The following RELN variants were observed in gnomAD, a reference collection of about 807,000 sequenced individuals.
The protein encoded by RELN is reelin.
Under a neutral mutation model 427.6 loss-of-function variants are expected in RELN, and 108 were observed. The observed-to-expected ratio is 0.25, with a 90% CI of 0.22 to 0.30. RELN has a LOEUF of 0.30. Ranked by LOEUF, RELN falls within the 10% of genes least tolerant of loss-of-function variation. The pLI is 1.00. For synonymous variants in RELN, 1,524 were observed against 1,513.4 expected, an observed-to-expected ratio of 1.01 and a Z score of -0.16; for missense variants, 3,715 against 4,302.8, an observed-to-expected ratio of 0.86 and a Z score of 3.82.
rs191205154 is a variant in RELN at position 103,779,984 on chromosome 7, C to A, written c.474-3357G>T. Among the ~76,000 whole-genome samples, 790 of 152,288 alleles carry A rather than the reference C, an allele frequency of 5.2e-3. 3 individuals are homozygous for A. The highest frequency in any genetic ancestry group is 0.018 in the African/African-American group (733 of 41,566). On this transcript the variant is annotated intron_variant, in intron 3 of 64. Coordinates refer to ENST00000428762, the MANE Select transcript of RELN (RefSeq NM_005045.4). ...CTCGTGATCTGCCTGCCTCAGCCTC[C>A]CAAAGTGCTGGGATTACAGGTGTGA...
rs10215861 is a variant in RELN at position 103,839,228 on chromosome 7, T to A, written c.338-5556A>T. 7.1e-3 allele frequency among the ~76,000 whole-genome samples: 1,078 copies of A among 151,066 alleles called. 18 individuals carry two copies. The highest frequency in any genetic ancestry group is 0.025 in the African/African-American group (1,034 of 41,192). On this transcript the variant is annotated intron_variant, in intron 2 of 64. Transcript: ENST00000428762. ...AACCTATCCTCTCACTCACTAATCC[T>A]AAAACCATCCCAAACATGTATTCTC...
At chr7:103,849,338 G>A (rs1219822531) in intron 2 of RELN, among the ~76,000 whole-genome samples, 1 of 151,908 alleles carries the variant, frequency 6.6e-6, no homozygotes, top group African/African-American at 2.4e-5. Context: ...GTCTTCTCTT[G>A]CCTATCCTTC....
At chr7:103,669,031 T>C (rs554141869) in intron 11 of RELN, among the ~76,000 whole-genome samples, 1 of 152,322 alleles carries the variant, frequency 6.6e-6, no homozygotes, top group African/African-American at 2.4e-5. Context: ...TCTAGATTAA[T>C]TTAAATGAGT....
At chr7:103,898,275 A>T (rs541292672) in intron 2 of RELN, among the ~76,000 whole-genome samples, 65 of 152,154 alleles carry the variant, frequency 4.3e-4, no homozygotes, top group Non-Finnish European at 7.2e-4. Flanking sequence ...TTGTCCTACC[A>T]TTATTATTTA....
chr7:103,680,266 C>T (rs975389505), intron 11 of RELN, among the ~76,000 whole-genome samples: 1 of 151,860 alleles, frequency 6.6e-6, no homozygotes, highest in African/African-American at 2.4e-5. Context: ...AATGGTACTC[C>T]TGGAGAGGAA....
At chr7:103,629,177 G>T (rs1832396796) in intron 20 of RELN, among the ~76,000 whole-genome samples, 2 of 152,186 alleles carry the variant, frequency 1.3e-5, no homozygotes, top group South Asian at 4.1e-4. Flanking sequence ...TCTCCGAGAA[G>T]CCTCTCGGGA....
intron 2 of RELN, among the ~76,000 whole-genome samples, chr7:103,854,115 T>C (rs535413840): frequency 3.9e-5 from 6 of 152,290 alleles, no homozygotes; most frequent in Non-Finnish European, 7.4e-5. Flanking sequence ...ATGTGTCAAC[T>C]AAAAATAAAA....
intron 46 of RELN, among the ~76,000 whole-genome samples, chr7:103,526,483 C>T (rs1001806922): frequency 1.9e-4 from 29 of 152,032 alleles, no homozygotes; most frequent in African/African-American, 6.8e-4. Flanking sequence ...TTTTAAGGCC[C>T]CTTCTTAGAT....
chr7:103,955,737 G>A (rs1034510409), intron 1 of RELN, among the ~76,000 whole-genome samples: 11 of 152,290 alleles, frequency 7.2e-5, no homozygotes, highest in African/African-American at 2.6e-4. Context: ...CACGAACCCA[G>A]ACAAGAAACT....
intron 10 of RELN, among the ~76,000 whole-genome samples, chr7:103,690,893 G>C (rs145292322): frequency 3.3e-5 from 5 of 152,212 alleles, no homozygotes; most frequent in Non-Finnish European, 7.4e-5. Flanking sequence ...TCTTCCACAT[G>C]GGAAGTTCTC....
chr7:103,610,832 A>G, intron 21 of RELN, 25 bp from the exon 22 acceptor site: 1 of 1,347,786 alleles, frequency 7.4e-7, no homozygotes, highest in East Asian at 2.3e-5. Flanking sequence ...GGCACAAATC[A>G]AACCCAGCTT....
chr7:103,983,492 TTGAACAGTCATTA>T (rs1376007898), intron 1 of RELN, among the ~76,000 whole-genome samples: 1 of 152,210 alleles, frequency 6.6e-6, no homozygotes, highest in Non-Finnish European at 1.5e-5. Flanking sequence ...ATTCCTGCGT[TTGAACAGTCATTA>T]TGAGATATTC....
At chr7:103,580,766 G>T (rs895081025) in intron 28 of RELN, among the ~76,000 whole-genome samples, 1 of 152,108 alleles carries the variant, frequency 6.6e-6, no homozygotes, top group Non-Finnish European at 1.5e-5. Flanking sequence ...AAAGTCCACT[G>T]TCTCATTCTT....
Position 103,603,336 on chromosome 7 carries a change from T to A in RELN, c.3301A>T (p.Ile1101Phe). The A allele has an allele frequency of 3.1e-6, 5 of 1,613,928 alleles. No homozygotes were observed. The highest frequency in any genetic ancestry group is 4.2e-6 in the Non-Finnish European group (5 of 1,179,822). ...AAGTACAGAGATGATCCAGAAGAGA[T>A]GACACCACACCCTTGTTCTGGTTTT... ...IVKPEQGCGVISSGSSLYFSK... is the reference protein window; with the variant it reads ...IVKPEQGCGVFSSGSSLYFSK... The change falls in exon 24 of 65, where the codon ATC (isoleucine) becomes TTC (phenylalanine). Residue 1101 changes from isoleucine (I) to phenylalanine (F), a missense_variant. Ile to Phe is a conservative substitution (Grantham distance 21). Coordinates refer to ENST00000428762, the MANE Select transcript of RELN (RefSeq NM_005045.4). The surrounding 1 kb of genome is among the most constrained non-coding windows in gnomAD (Gnocchi z 4.3).
At chr7:103,860,706 C>T (rs1035964608) in intron 2 of RELN, among the ~76,000 whole-genome samples, 1 of 151,982 alleles carries the variant, frequency 6.6e-6, no homozygotes, top group South Asian at 2.1e-4. Flanking sequence ...CCACCGCACC[C>T]GGCCCCAATT....
chr7:103,520,663 T>TAA (rs1238849737), intron 48 of RELN, among the ~76,000 whole-genome samples: 1 of 152,246 alleles, frequency 6.6e-6, no homozygotes, highest in East Asian at 1.9e-4. Context: ...TGTAATGTTT[T>TAA]AAATTCACAC....
At chr7:103,646,756 A>G (rs1477795477) in intron 16 of RELN, among the ~76,000 whole-genome samples, 1 of 151,970 alleles carries the variant, frequency 6.6e-6, no homozygotes, top group African/African-American at 2.4e-5. Flanking sequence ...GGAATCCTTC[A>G]TAACTCATTC....
chr7:103,647,984 A>G (rs1832832446), intron 16 of RELN, among the ~76,000 whole-genome samples: 1 of 152,132 alleles, frequency 6.6e-6, no homozygotes, highest in South Asian at 2.1e-4. Context: ...GGTGCTGGGA[A>G]AATTGGATGG....
rs141486504 is a variant in RELN, at chr7:103,702,275, C to T, written c.806-1269G>A. Among the ~76,000 whole-genome samples the T allele has an allele frequency of 9.9e-5, 15 of 152,252 alleles. No individual in the cohort carries two copies. In the East Asian group the frequency reaches 2.7e-3, roughly 27 times the overall value. ...TATGTAGGACAAACTTCAATACAAACAAGAATGAGGTCTAGCAAAGAATCT... is the reference window on the plus strand; with the variant it reads ...TATGTAGGACAAACTTCAATACAAATAAGAATGAGGTCTAGCAAAGAATCT... On this transcript the variant is annotated intron_variant, in intron 8 of 64. Transcript: ENST00000428762.
Sources: allele counts gnomAD v4.1 joint callset (sites outside exome capture counted in the v4.1 genomes callset), GRCh38; gene constraint gnomAD v4.1.1; non-coding constraint Gnocchi (gnomAD v3.1); transcripts MANE v1.5; gene names NCBI Gene and HGNC (gene_info 2026-07-23, HGNC 2026-07-21).